The following TYW1 variants were observed in gnomAD, a reference collection of about 807,000 sequenced individuals.
TYW1 encodes tRNA-yW synthesizing protein 1 homolog.
Under a neutral mutation model 96.2 loss-of-function variants are expected in TYW1, and 46 were observed. The ratio of observed to expected loss-of-function variants is 0.48; its 90% CI spans 0.38 to 0.61. The LOEUF (loss-of-function observed/expected upper bound fraction) is 0.61. TYW1 is among the 20% of genes least tolerant of loss of function. TYW1 has a pLI of 0.00. For synonymous variants in TYW1, 274 were observed against 323.0 expected (o/e 0.85, Z 1.63); for missense variants, 684 against 909.6 (o/e 0.75, Z 3.19).
At position 67,019,578 on chromosome 7, in the gene TYW1, T is replaced by G. The variant is rs1452964269; in HGVS notation, c.861+1435T>G. On this transcript the variant is annotated intron_variant, in intron 6 of 15. Transcript: ENST00000359626. ...CCTGGCCTCGAGCAAACCTCCCATC[T>G]TGGCCTCGGACAGCGCTGGGATTGG... Among the ~76,000 whole-genome samples, 5 of 152,284 alleles carry G rather than the reference T, an allele frequency of 3.3e-5. No individual in the cohort carries two copies. The South Asian group carries it at 1.0e-3, about 31-fold the overall frequency.
chr7:67,086,302 T>C (rs1333511699), intron 11 of TYW1, among the ~76,000 whole-genome samples: 1 of 152,186 alleles, frequency 6.6e-6, no homozygotes, highest in Non-Finnish European at 1.5e-5. Context: ...CATTGTTGGT[T>C]TAGTTAATAA....
chr7:67,239,227 T>G lies in TYW1; in HGVS notation c.*698T>G. 4 of 985,352 alleles carry G rather than the reference T, an allele frequency of 4.1e-6. No homozygotes were observed. The highest frequency in any genetic ancestry group is 4.8e-6 in the Non-Finnish European group (4 of 829,926). The allele number at this position is 985,352 out of a possible 1,614,324, so 61.0% of individuals were successfully genotyped here. On this transcript the variant is annotated 3_prime_UTR_variant, in exon 16 of 16. Transcript: ENST00000359626. ...CTGTCTGCTGTAAGAGGAGTGGCCA[T>G]GTGAGGGCATGGAGTCATTAGTCTC...
chr7:67,098,744 T>G, intron 12 of TYW1, 26 bp downstream of exon 12: 4 of 1,566,274 alleles, frequency 2.6e-6, no homozygotes, highest in Non-Finnish European at 2.6e-6. Context: ...TATGGAGAGA[T>G]GCTGCTTGAA....
intron 13 of TYW1, among the ~76,000 whole-genome samples, chr7:67,182,431 AC>A (rs1799870631): frequency 6.6e-6 from 1 of 152,110 alleles, no homozygotes; most frequent in Non-Finnish European, 1.5e-5. Flanking sequence ...AGGCGTGATG[AC>A]GTGTGCCTAT....
At chr7:67,202,379 G>A (rs2116364764) in intron 15 of TYW1, among the ~76,000 whole-genome samples, 1 of 149,856 alleles carries the variant, frequency 6.7e-6, no homozygotes, top group South Asian at 2.2e-4. Flanking sequence ...AGCTTTCTCA[G>A]GAGATTGCTC....
intron 7 of TYW1, among the ~76,000 whole-genome samples, chr7:67,035,326 A>G (rs1293642895): frequency 1.3e-5 from 2 of 151,814 alleles, no homozygotes; most frequent in African/African-American, 4.9e-5. Context: ...CATGTTGGCC[A>G]GGTTGGTCTC....
At chr7:67,090,009 C>T (rs1796662839) in intron 11 of TYW1, among the ~76,000 whole-genome samples, 1 of 152,192 alleles carries the variant, frequency 6.6e-6, no homozygotes. Flanking sequence ...TTGTCAGGAA[C>T]GTCCTCGGTA....
chr7:67,125,065 T>G (rs1797872663), intron 13 of TYW1, among the ~76,000 whole-genome samples: 1 of 152,138 alleles, frequency 6.6e-6, no homozygotes, highest in Non-Finnish European at 1.5e-5. Flanking sequence ...ACTCCTGACT[T>G]CAAGTGATCC....
intron 7 of TYW1, among the ~76,000 whole-genome samples, chr7:67,033,188 C>T (rs1189562131): frequency 6.6e-6 from 1 of 152,078 alleles, no homozygotes; most frequent in Non-Finnish European, 1.5e-5. Context: ...TGAGCCACTG[C>T]ACCTGTCCAA....
At position 67,209,859 on chromosome 7, in the gene TYW1, C is replaced by T. The variant is rs1800941858; in HGVS notation, c.1977+14522C>T. On this transcript the variant is annotated intron_variant, in intron 15 of 15. Transcript: ENST00000359626. ...ATTGCTGGGATCACAGGCATGAGCA[C>T]TGCACCTGGCCAATTATTTTTTTTT... 2.0e-5 allele frequency among the ~76,000 whole-genome samples: 3 copies of T among 152,048 alleles called. No individual in the cohort carries two copies. In the South Asian group the frequency reaches 6.2e-4, roughly 32 times the overall value.
chr7:67,191,954 G>C (rs1224409257), intron 14 of TYW1, among the ~76,000 whole-genome samples: 1 of 151,448 alleles, frequency 6.6e-6, no homozygotes, highest in African/African-American at 2.4e-5. Flanking sequence ...GGAGTGGAGA[G>C]GCACTATCTC....
At chr7:66,997,777 C>CCT (rs1232768742) in intron 1 of TYW1, among the ~76,000 whole-genome samples, 4 of 151,908 alleles carry the variant, frequency 2.6e-5, no homozygotes, top group Admixed American at 2.6e-4. Flanking sequence ...TACAGGTGCG[C>CCT]GCCACCACGC....
chr7:67,064,033 A>T (rs1188978904), intron 9 of TYW1, among the ~76,000 whole-genome samples: 2 of 152,248 alleles, frequency 1.3e-5, no homozygotes, highest in African/African-American at 2.4e-5. Context: ...GAAAATTTTT[A>T]AAATGCTGAT....
intron 15 of TYW1, among the ~76,000 whole-genome samples, chr7:67,207,717 C>CTT (rs749961615): frequency 0.021 from 2,211 of 103,470 alleles, 137 homozygotes; most frequent in Non-Finnish European, 0.033. Flanking sequence ...TTTTGTTTGC[C>CTT]TTTTTTTTTT....
At chr7:67,096,622 T>C (rs2115850522) in intron 11 of TYW1, among the ~76,000 whole-genome samples, 1 of 151,834 alleles carries the variant, frequency 6.6e-6, no homozygotes, top group Admixed American at 6.6e-5. Flanking sequence ...AAGTGCAGGT[T>C]TGTTACATAG....
At chr7:67,042,377 A>C (rs1795056011) in intron 7 of TYW1, among the ~76,000 whole-genome samples, 1 of 152,092 alleles carries the variant, frequency 6.6e-6, no homozygotes, top group South Asian at 2.1e-4. Flanking sequence ...TTGAAGTATG[A>C]GAGTGGTTTC....
chr7:67,197,992 T>A (rs1800460495), intron 15 of TYW1, among the ~76,000 whole-genome samples: 1 of 124,990 alleles, frequency 8.0e-6, no homozygotes, highest in Admixed American at 9.6e-5. Context: ...CGTGCACGCA[T>A]CGTCTTTTCT....
intron 14 of TYW1, among the ~76,000 whole-genome samples, chr7:67,186,241 C>CT (rs541563412): frequency 1.5e-5 from 2 of 135,330 alleles, no homozygotes; most frequent in African/African-American, 2.9e-5. Flanking sequence ...CTGGATCTCC[C>CT]TTTTTTTCAT....
chr7:67,081,900 T>C (rs1168800912), intron 10 of TYW1, among the ~76,000 whole-genome samples: 1 of 147,056 alleles, frequency 6.8e-6, no homozygotes, highest in East Asian at 2.0e-4. Flanking sequence ...TGATCTAGTA[T>C]GTTGTTGAAA....
Sources: allele counts gnomAD v4.1 joint callset (sites outside exome capture counted in the v4.1 genomes callset), GRCh38; gene constraint gnomAD v4.1.1; transcripts MANE v1.5; gene names NCBI Gene and HGNC (gene_info 2026-07-23, HGNC 2026-07-21).